CRIM1: variants seen among roughly 807,000 people sequenced by gnomAD.
CRIM1 encodes cysteine-rich motor neuron 1 protein.
A neutral mutation model predicts 116.4 loss-of-function variants in CRIM1; 32 were observed. That is an observed-to-expected ratio of 0.27 (90% CI 0.21 to 0.37). CRIM1 has a LOEUF of 0.37. CRIM1 is among the 10% of genes least tolerant of loss of function. The probability of loss-of-function intolerance (pLI) is 1.00; values close to 1 mark genes in which losing one functional copy is unlikely to be tolerated. For synonymous variants in CRIM1, 590 were observed against 509.2 expected (o/e 1.16, Z -2.13); for missense variants, 1,331 against 1,354.8 (o/e 0.98, Z 0.28).
intron 1 of CRIM1, among the ~76,000 whole-genome samples, chr2:36,363,884 G>C (rs1402736900): frequency 6.6e-6 from 1 of 152,082 alleles, no homozygotes; most frequent in Non-Finnish European, 1.5e-5. Context: ...TGCTGCAGTT[G>C]GTATAAACTA....
intron 4 of CRIM1, among the ~76,000 whole-genome samples, chr2:36,448,779 C>T (rs1346510421): frequency 6.6e-6 from 1 of 152,120 alleles, no homozygotes; most frequent in East Asian, 1.9e-4. Flanking sequence ...TCCAATCCAG[C>T]TATTTTAAGG....
At chr2:36,465,971 T>C (rs1042256321) in intron 5 of CRIM1, among the ~76,000 whole-genome samples, 1 of 151,774 alleles carries the variant, frequency 6.6e-6, no homozygotes, top group Non-Finnish European at 1.5e-5. Flanking sequence ...CTGCAAGCTC[T>C]GCCTCCCAGG....
intron 7 of CRIM1, among the ~76,000 whole-genome samples, chr2:36,488,810 T>G (rs1468632724): frequency 6.6e-6 from 1 of 152,196 alleles, no homozygotes. Flanking sequence ...CTCCAGCTCT[T>G]ACTTTGCAGC....
intron 4 of CRIM1, among the ~76,000 whole-genome samples, chr2:36,443,983 G>A (rs539771325): frequency 1.3e-5 from 2 of 152,296 alleles, no homozygotes; most frequent in South Asian, 2.1e-4. Context: ...CAGATGCTTA[G>A]GAAGGGGTGA....
intron 2 of CRIM1, among the ~76,000 whole-genome samples, chr2:36,418,892 G>A (rs183962131): frequency 1.1e-3 from 172 of 152,188 alleles, no homozygotes; most frequent in African/African-American, 3.9e-3. Context: ...TGAGATGATG[G>A]TCCCAGCGCT....
At chr2:36,456,555 C>T (rs1677147290) in intron 4 of CRIM1, among the ~76,000 whole-genome samples, 1 of 152,194 alleles carries the variant, frequency 6.6e-6, no homozygotes, top group Non-Finnish European at 1.5e-5. Flanking sequence ...CTAAAGCCAT[C>T]CTACCAGCCG....
intron 2 of CRIM1, among the ~76,000 whole-genome samples, chr2:36,410,193 A>C (rs899192269): frequency 6.6e-6 from 1 of 152,088 alleles, no homozygotes; most frequent in African/African-American, 2.4e-5. Context: ...TAAATCGAGG[A>C]TGTGTTTTTT....
At chr2:36,528,656 T>G (rs990855198) in intron 13 of CRIM1, among the ~76,000 whole-genome samples, 29 of 152,194 alleles carry the variant, frequency 1.9e-4, no homozygotes, top group Admixed American at 1.9e-3. Flanking sequence ...ACTGTGGACC[T>G]ACACGGAGGC....
chr2:36,432,054 G>C (rs144071154), intron 2 of CRIM1, among the ~76,000 whole-genome samples: 3 of 152,270 alleles, frequency 2.0e-5, no homozygotes, highest in African/African-American at 7.2e-5. Context: ...ACATTTTCAA[G>C]CTGTTATAAA....
intron 8 of CRIM1, among the ~76,000 whole-genome samples, chr2:36,509,032 A>G (rs1039500067): frequency 3.3e-5 from 5 of 152,228 alleles, no homozygotes; most frequent in African/African-American, 1.2e-4. Flanking sequence ...ATCCAAATAC[A>G]GGGGTATTTG....
chr2:36,440,701 G>A (rs1349980742), intron 2 of CRIM1, among the ~76,000 whole-genome samples: 1 of 152,186 alleles, frequency 6.6e-6, no homozygotes, highest in Non-Finnish European at 1.5e-5. Flanking sequence ...CGGGAATTTG[G>A]CTCATTATCC....
chr2:36,441,703 G>A (rs3770885), intron 3 of CRIM1, among the ~76,000 whole-genome samples: 27,314 of 152,126 alleles, frequency 0.18, 2,886 homozygotes, highest in East Asian at 0.56. Context: ...TGGTACATAA[G>A]CGCCTTCGGA....
At chr2:36,520,582 G>A (rs929976353) in intron 12 of CRIM1, among the ~76,000 whole-genome samples, 4 of 152,184 alleles carry the variant, frequency 2.6e-5, no homozygotes, top group South Asian at 2.1e-4. Context: ...CCATGGAGCC[G>A]TGGAACCAAT....
chr2:36,390,895 C>A (rs1337771811), intron 1 of CRIM1, among the ~76,000 whole-genome samples: 1 of 151,848 alleles, frequency 6.6e-6, no homozygotes, highest in Non-Finnish European at 1.5e-5. Flanking sequence ...CTGCAACCTC[C>A]ACCTCCCAGG....
chr2:36,472,230 A>G (rs1354193310), intron 5 of CRIM1, among the ~76,000 whole-genome samples: 1 of 152,164 alleles, frequency 6.6e-6, no homozygotes, highest in Non-Finnish European at 1.5e-5. Context: ...CCTTTTGTGG[A>G]GATTGTGGCA....
intron 6 of CRIM1, among the ~76,000 whole-genome samples, chr2:36,477,411 G>C (rs922733020): frequency 6.6e-5 from 10 of 152,206 alleles, no homozygotes; most frequent in African/African-American, 2.4e-4. Context: ...CCTGGCATTA[G>C]AGCTCACCAC....
chr2:36,458,766 C>T (rs848536), intron 4 of CRIM1, among the ~76,000 whole-genome samples: 57 of 151,932 alleles, frequency 3.8e-4, no homozygotes, highest in Admixed American at 9.2e-4. Context: ...GCAGCAGTGA[C>T]GGGAATGGGA....
intron 2 of CRIM1, among the ~76,000 whole-genome samples, chr2:36,410,321 C>A (rs1042421002): frequency 2.0e-5 from 3 of 151,842 alleles, no homozygotes; most frequent in Non-Finnish European, 4.4e-5. Context: ...TTATCAGTAG[C>A]CTTTCTTTTC....
chr2:36,478,866 A>T (rs1679190198), intron 6 of CRIM1, among the ~76,000 whole-genome samples: 1 of 151,736 alleles, frequency 6.6e-6, no homozygotes, highest in African/African-American at 2.4e-5. Context: ...AGCTTTGGCT[A>T]CTTCTGTCTC....
Sources: allele counts gnomAD v4.1 joint callset (sites outside exome capture counted in the v4.1 genomes callset), GRCh38; gene constraint gnomAD v4.1.1; transcripts MANE v1.5; gene names NCBI Gene and HGNC (gene_info 2026-07-23, HGNC 2026-07-21).